CDK14: variants seen among roughly 807,000 people sequenced by gnomAD.
CDK14 encodes cyclin dependent kinase 14.
A neutral mutation model predicts 60.7 loss-of-function variants in CDK14; 34 were observed. The observed-to-expected ratio is 0.56, with a 90% CI of 0.43 to 0.75. CDK14 has a LOEUF of 0.75. Ranked by LOEUF, CDK14 falls within the 30% of genes least tolerant of loss-of-function variation. The pLI is 0.00. For synonymous variants in CDK14, 197 were observed against 203.7 expected (o/e 0.97, Z 0.28); for missense variants, 482 against 564.1 (o/e 0.85, Z 1.47).
chr7:91,097,798 A>T (rs1011048800), intron 12 of CDK14, among the ~76,000 whole-genome samples: 2 of 152,122 alleles, frequency 1.3e-5, no homozygotes, highest in African/African-American at 4.8e-5. Flanking sequence ...TATAAGGGAG[A>T]TCACATGTGA....
rs192242688 is a variant in CDK14, at chr7:91,209,061, A to C, written c.*1925A>C. The C allele has an allele frequency of 7.2e-5, 11 of 152,704 alleles. No homozygotes were observed. The highest frequency in any genetic ancestry group is 1.5e-5 in the Non-Finnish European group (1 of 68,024). The allele number at this position is 152,704 out of a possible 1,614,324, so 9.5% of individuals were successfully genotyped here. A position where few individuals can be genotyped will look rare whatever the true frequency, so the allele number is the denominator to read the frequency against. ...AAACTTTACATGCAATTAAAAATGG[A>C]CTTTCCTGTGATTTGTTTTTAATCA... On this transcript the variant is annotated 3_prime_UTR_variant, in exon 15 of 15. Coordinates refer to ENST00000380050, the MANE Select transcript of CDK14 (RefSeq NM_001287135.2).
Position 90,955,550 on chromosome 7 carries a change from C to T in CDK14, c.827-147C>T, listed in dbSNP as rs562097982. ...AAAAACAGAAACCACAATATGCTTT[C>T]CCCAGTTTTCTATTAACCTTGATAC... On this transcript the variant is annotated intron_variant, in intron 8 of 14. Transcript: ENST00000380050. 9.3e-6 allele frequency: 7 copies of T among 748,742 alleles called. No homozygotes were observed. The East Asian group carries it at 1.6e-4, about 17-fold the overall frequency. The allele number at this position is 748,742 out of a possible 1,614,324, so 46.4% of individuals were successfully genotyped here.
intron 2 of CDK14, among the ~76,000 whole-genome samples, chr7:90,709,065 G>A (rs531042683): frequency 3.9e-5 from 6 of 152,046 alleles, no homozygotes; most frequent in Non-Finnish European, 8.8e-5. Context: ...TTTCAGAATG[G>A]TATGAGCTCT....
At chr7:91,097,216 A>G (rs1475035506) in intron 12 of CDK14, among the ~76,000 whole-genome samples, 1 of 152,014 alleles carries the variant, frequency 6.6e-6, no homozygotes. Flanking sequence ...CCCTGTATCT[A>G]CTAAAAACAC....
At chr7:91,080,568 G>C (rs1254052723) in intron 12 of CDK14, among the ~76,000 whole-genome samples, 9 of 152,136 alleles carry the variant, frequency 5.9e-5, no homozygotes, top group Non-Finnish European at 1.3e-4. Flanking sequence ...GGAGCTTCCT[G>C]TGCATGCTCC....
At chr7:90,665,617 G>A (rs1800962978) in intron 2 of CDK14, among the ~76,000 whole-genome samples, 1 of 152,324 alleles carries the variant, frequency 6.6e-6, no homozygotes, top group African/African-American at 2.4e-5. Flanking sequence ...TCTTTCAGGT[G>A]GTAGCAGATC....
chr7:91,159,479 T>G (rs943004762), intron 14 of CDK14, among the ~76,000 whole-genome samples: 1 of 152,224 alleles, frequency 6.6e-6, no homozygotes, highest in African/African-American at 2.4e-5. Flanking sequence ...CTTGGACATT[T>G]GGAAATGATA....
At chr7:91,174,249 C>T (rs376322518) in intron 14 of CDK14, among the ~76,000 whole-genome samples, 18 of 151,984 alleles carry the variant, frequency 1.2e-4, no homozygotes, top group East Asian at 1.9e-4. Context: ...TGAGGGTCCT[C>T]TCTGTTAGAA....
chr7:90,910,426 A>G (rs192213310), intron 7 of CDK14, among the ~76,000 whole-genome samples: 3 of 152,314 alleles, frequency 2.0e-5, no homozygotes, highest in Admixed American at 1.3e-4. Flanking sequence ...CATTGACTGC[A>G]TATAATTGGG....
intron 12 of CDK14, among the ~76,000 whole-genome samples, chr7:91,102,177 G>A (rs1406164228): frequency 6.6e-6 from 1 of 152,170 alleles, no homozygotes; most frequent in Non-Finnish European, 1.5e-5. Context: ...TCCAGGCTCT[G>A]TGGCTTTGCT....
intron 5 of CDK14, among the ~76,000 whole-genome samples, chr7:90,820,502 T>C (rs1164410545): frequency 6.6e-6 from 1 of 152,174 alleles, no homozygotes; most frequent in Non-Finnish European, 1.5e-5. Context: ...CCTGCCTCGC[T>C]CTGTCTCTCC....
At chr7:90,617,477 A>C (rs1299027142) in intron 2 of CDK14, among the ~76,000 whole-genome samples, 1 of 152,148 alleles carries the variant, frequency 6.6e-6, no homozygotes, top group Non-Finnish European at 1.5e-5. Context: ...ATTAGGCCTA[A>C]AAAAGGCCTA....
At chr7:90,732,231 A>G (rs1219822037) in intron 3 of CDK14, among the ~76,000 whole-genome samples, 1 of 152,082 alleles carries the variant, frequency 6.6e-6, no homozygotes, top group African/African-American at 2.4e-5. Flanking sequence ...GGGCTGCTGG[A>G]TTTGGTTTGC....
chr7:90,614,990 G>C (rs1163234543), intron 2 of CDK14, among the ~76,000 whole-genome samples: 2 of 152,072 alleles, frequency 1.3e-5, no homozygotes, highest in Admixed American at 6.5e-5. Context: ...GAAATCATCT[G>C]CAAGTATGGC....
intron 2 of CDK14, among the ~76,000 whole-genome samples, chr7:90,631,125 C>T (rs556458087): frequency 9.2e-5 from 14 of 152,166 alleles, no homozygotes; most frequent in South Asian, 2.1e-4. Context: ...GGATTTCTGC[C>T]TTCTGGTCTT....
At chr7:91,130,363 T>C (rs1242671066) in intron 14 of CDK14, among the ~76,000 whole-genome samples, 1 of 152,182 alleles carries the variant, frequency 6.6e-6, no homozygotes, top group Non-Finnish European at 1.5e-5. Context: ...TAAATATTTT[T>C]AATTAACAGT....
chr7:90,618,883 G>A (rs1799707445), intron 2 of CDK14, among the ~76,000 whole-genome samples: 3 of 152,186 alleles, frequency 2.0e-5, no homozygotes, highest in Admixed American at 2.0e-4. Flanking sequence ...AGAAGTAGGA[G>A]AATTTGTGCC....
chr7:90,627,251 C>T (rs1463941727), intron 2 of CDK14, among the ~76,000 whole-genome samples: 2 of 150,214 alleles, frequency 1.3e-5, no homozygotes, highest in Non-Finnish European at 3.0e-5. Context: ...CCTTTTTTGT[C>T]CAGGTTGGGG....
At chr7:91,129,434 A>AAT (rs1437338128) in intron 14 of CDK14, among the ~76,000 whole-genome samples, 2 of 152,168 alleles carry the variant, frequency 1.3e-5, no homozygotes, top group Non-Finnish European at 2.9e-5. Context: ...ATGTCTTCTT[A>AAT]ATATACTCTG....
Sources: allele counts gnomAD v4.1 joint callset (sites outside exome capture counted in the v4.1 genomes callset), GRCh38; gene constraint gnomAD v4.1.1; transcripts MANE v1.5; gene names NCBI Gene and HGNC (gene_info 2026-07-23, HGNC 2026-07-21).